HPSE2: variants seen among roughly 807,000 people sequenced by gnomAD.
HPSE2 encodes inactive heparanase-2.
In HPSE2, 38 loss-of-function variants were observed where a neutral mutation model predicts 60.5. The ratio of observed to expected loss-of-function variants is 0.63; its 90% CI spans 0.48 to 0.82. The LOEUF (loss-of-function observed/expected upper bound fraction) is 0.82, where lower values mean the gene tolerates loss of function less well. Among genes scored for constraint, HPSE2 ranks in the 40% least tolerant of loss-of-function variants. The pLI is 0.00. For missense variants in HPSE2, 713 were observed against 740.4 expected (o/e 0.96, Z 0.43); for synonymous variants, 295 against 293.2 (o/e 1.01, Z -0.06).
chr10:98,863,338 T>C (rs1952504604), intron 3 of HPSE2, among the ~76,000 whole-genome samples: 1 of 151,766 alleles, frequency 6.6e-6, no homozygotes, highest in South Asian at 2.1e-4. Context: ...GGAGTAGACC[T>C]GGCAAAAAAA....
chr10:99,099,749 G>A (rs752662900), intron 3 of HPSE2, among the ~76,000 whole-genome samples: 7 of 152,146 alleles, frequency 4.6e-5, no homozygotes, highest in Non-Finnish European at 1.0e-4. Context: ...CCCTAGTAGG[G>A]GCAGAGTGAC....
intron 3 of HPSE2, among the ~76,000 whole-genome samples, chr10:99,102,749 C>T (rs1844061577): frequency 6.6e-6 from 1 of 152,156 alleles, no homozygotes; most frequent in African/African-American, 2.4e-5. Context: ...TACTGGCAAA[C>T]CGAATCCAGC....
At chr10:98,552,824 C>T (rs1209466857) in intron 9 of HPSE2, among the ~76,000 whole-genome samples, 1 of 152,010 alleles carries the variant, frequency 6.6e-6, no homozygotes, top group Non-Finnish European at 1.5e-5. Flanking sequence ...CTTCTTTGAA[C>T]CTCAAAGACA....
chr10:99,013,237 C>T (rs1470192487), intron 3 of HPSE2: 3 of 654,866 alleles, frequency 4.6e-6, no homozygotes, highest in South Asian at 2.9e-5. Context: ...ATTTCTGCTA[C>T]AGTTATGCAT....
At chr10:98,543,182 T>A (rs1011152968) in intron 9 of HPSE2, among the ~76,000 whole-genome samples, 1 of 152,086 alleles carries the variant, frequency 6.6e-6, no homozygotes, top group Non-Finnish European at 1.5e-5. Flanking sequence ...TTCAACATTC[T>A]TAAAGAAAAG....
intron 2 of HPSE2, among the ~76,000 whole-genome samples, chr10:99,166,982 T>C (rs1847106277): frequency 6.7e-6 from 1 of 150,336 alleles, no homozygotes; most frequent in Non-Finnish European, 1.5e-5. Flanking sequence ...ATACTTTCTT[T>C]TTTTCTTTTT....
chr10:98,685,516 T>A (rs919954856), intron 6 of HPSE2, among the ~76,000 whole-genome samples: 3 of 152,104 alleles, frequency 2.0e-5, no homozygotes, highest in Non-Finnish European at 4.4e-5. Flanking sequence ...AGAAATGTGC[T>A]TTTTTATAAG....
At chr10:99,053,894 A>ATT (rs764231635) in intron 3 of HPSE2, among the ~76,000 whole-genome samples, 3 of 142,372 alleles carry the variant, frequency 2.1e-5, no homozygotes, top group East Asian at 2.0e-4. Flanking sequence ...CGCCCAGATA[A>ATT]TTTTTTTTTT....
chr10:99,303,640 G>C, the HPSE2 span, among the ~76,000 whole-genome samples: 1 of 152,188 alleles, frequency 6.6e-6, no homozygotes, highest in Non-Finnish European at 1.5e-5. Context: ...AACATGTTTT[G>C]TATGAGTCGC....
intron 4 of HPSE2, among the ~76,000 whole-genome samples, chr10:98,732,942 A>G (rs1312310043): frequency 6.6e-6 from 1 of 152,226 alleles, no homozygotes; most frequent in African/African-American, 2.4e-5. Context: ...CCCACTTAAA[A>G]GAGCAAAAGC....
At chr10:99,161,292 C>A (rs1846834228) in intron 2 of HPSE2, among the ~76,000 whole-genome samples, 1 of 150,810 alleles carries the variant, frequency 6.6e-6, no homozygotes, top group African/African-American at 2.4e-5. Context: ...CTGGCAACAG[C>A]CCAAATGTCC....
intron 6 of HPSE2, among the ~76,000 whole-genome samples, chr10:98,668,660 G>A (rs987370260): frequency 1.1e-4 from 16 of 152,076 alleles, no homozygotes; most frequent in African/African-American, 3.9e-4. Context: ...ATGTAGAAAC[G>A]ACTTCCTATT....
intron 6 of HPSE2, among the ~76,000 whole-genome samples, chr10:98,656,781 G>T (rs370344681): frequency 6.7e-6 from 1 of 148,430 alleles, no homozygotes; most frequent in African/African-American, 2.5e-5. Context: ...TTTTTTTTGG[G>T]ATGGAGTTTC....
At chr10:98,929,206 C>A (rs1954575760) in intron 3 of HPSE2, among the ~76,000 whole-genome samples, 2 of 142,870 alleles carry the variant, frequency 1.4e-5, no homozygotes, top group Non-Finnish European at 3.0e-5. Flanking sequence ...AAGCACACAC[C>A]ACTGTCAATA....
At chr10:98,596,874 T>C (rs184293166) in intron 9 of HPSE2, among the ~76,000 whole-genome samples, 76 of 152,334 alleles carry the variant, frequency 5.0e-4, no homozygotes, top group African/African-American at 1.8e-3. Context: ...TATTAATTCG[T>C]TCTCATACTG....
At chr10:99,237,378 C>T (rs1305518492), upstream of HPSE2, among the ~76,000 whole-genome samples, 1 of 152,096 alleles carries the variant, frequency 6.6e-6, no homozygotes, top group African/African-American at 2.4e-5. Flanking sequence ...GCCCAGCAAA[C>T]GCTGTAATAG....
At chr10:99,124,570 C>A (rs1057383415) in intron 3 of HPSE2, among the ~76,000 whole-genome samples, 9 of 152,216 alleles carry the variant, frequency 5.9e-5, no homozygotes, top group Admixed American at 1.3e-4. Context: ...CCAGAGGGGG[C>A]CAAGGCAGCA....
At chr10:98,808,880 T>C (rs1589861340) in intron 3 of HPSE2, among the ~76,000 whole-genome samples, 1 of 152,318 alleles carries the variant, frequency 6.6e-6, no homozygotes, top group East Asian at 1.9e-4. Flanking sequence ...TCCAGTTTAC[T>C]AGCTTAACAT....
chr10:98,555,210 A>G (rs1227887288), intron 9 of HPSE2, among the ~76,000 whole-genome samples: 1 of 152,234 alleles, frequency 6.6e-6, no homozygotes, highest in Non-Finnish European at 1.5e-5. Context: ...AAAATGCATT[A>G]AATGAATCTT....
Sources: allele counts gnomAD v4.1 joint callset (sites outside exome capture counted in the v4.1 genomes callset), GRCh38; gene constraint gnomAD v4.1.1; transcripts MANE v1.5; gene names NCBI Gene and HGNC (gene_info 2026-07-23, HGNC 2026-07-21).